SGCZ: variants seen among roughly 807,000 people sequenced by gnomAD.
SGCZ encodes the protein zeta-sarcoglycan.
Under a neutral mutation model 41.3 loss-of-function variants are expected in SGCZ, and 40 were observed. The ratio of observed to expected loss-of-function variants is 0.97; its 90% CI spans 0.75 to 1.26. The LOEUF (loss-of-function observed/expected upper bound fraction) is 1.26. SGCZ is among the 50% of genes most tolerant of loss of function. The pLI is 0.00. For synonymous variants in SGCZ, 206 were observed against 137.5 expected, an observed-to-expected ratio of 1.50 and a Z score of -3.49; for missense variants, 552 against 369.8, an observed-to-expected ratio of 1.49 and a Z score of -4.04.
intron 4 of SGCZ, among the ~76,000 whole-genome samples, chr8:14,227,928 C>A (rs28415820): frequency 6.6e-6 from 1 of 151,958 alleles, no homozygotes; most frequent in East Asian, 1.9e-4. Context: ...GTAATGGTTT[C>A]CCCCTAGCTT....
intron 1 of SGCZ, among the ~76,000 whole-genome samples, chr8:14,564,115 G>C (rs1190921031): frequency 1.3e-5 from 2 of 152,018 alleles, no homozygotes; most frequent in Non-Finnish European, 2.9e-5. Context: ...GTCCTGGATA[G>C]CAAGATAGAT....
intron 1 of SGCZ, among the ~76,000 whole-genome samples, chr8:14,916,389 T>C (rs936737103): frequency 2.0e-5 from 3 of 152,088 alleles, no homozygotes; most frequent in Admixed American, 6.5e-5. Flanking sequence ...TTACCACATA[T>C]AGACATAGAT....
chr8:14,692,181 T>G (rs1808820621), intron 1 of SGCZ, among the ~76,000 whole-genome samples: 3 of 151,990 alleles, frequency 2.0e-5, no homozygotes, highest in South Asian at 2.1e-4. Context: ...ATAGTTAAAT[T>G]GATATATAAA....
chr8:14,806,716 C>T (rs372868172), intron 1 of SGCZ, among the ~76,000 whole-genome samples: 1 of 152,174 alleles, frequency 6.6e-6, no homozygotes, highest in East Asian at 1.9e-4. Flanking sequence ...AGGGACTCCT[C>T]CCTAACTCAT....
intron 2 of SGCZ, among the ~76,000 whole-genome samples, chr8:14,429,132 G>A (rs1473360592): frequency 1.3e-5 from 2 of 152,164 alleles, no homozygotes; most frequent in Non-Finnish European, 2.9e-5. Context: ...CTGTCCCTTT[G>A]CAGTCTACAT....
At position 14,656,544 on chromosome 8, in the gene SGCZ, TC is replaced by T. The variant is rs765439378; in HGVS notation, c.40-101619del. On this transcript the variant is annotated intron_variant, in intron 1 of 7. Transcript: ENST00000382080. ...TTCTTTTCTTTCTTTTTTCTTTCTT[TC>T]CCTTTCTTTTTCTTTCTTTTCCTTC... is the stretch of plus-strand genomic sequence containing the variant. Among the ~76,000 whole-genome samples the T allele has an allele frequency of 6.3e-4, 87 of 137,874 alleles. 1 individual carries two copies. The highest frequency in any genetic ancestry group is 1.2e-3 in the Non-Finnish European group (71 of 60,294). The allele number at this position is 137,874 out of a possible 152,430, so 90.5% of individuals were successfully genotyped here.
intron 2 of SGCZ, among the ~76,000 whole-genome samples, chr8:14,407,136 T>A (rs1435061166): frequency 6.9e-6 from 1 of 144,670 alleles, no homozygotes. Flanking sequence ...TGGTGCCATC[T>A]GGGTACACTG....
At chr8:14,671,645 C>CT (rs1379599462) in intron 1 of SGCZ, among the ~76,000 whole-genome samples, 1 of 152,106 alleles carries the variant, frequency 6.6e-6, no homozygotes, top group Non-Finnish European at 1.5e-5. Context: ...AACCCAGAAA[C>CT]TAAGCCTGAG....
intron 2 of SGCZ, among the ~76,000 whole-genome samples, chr8:14,358,340 A>C (rs890242751): frequency 6.6e-6 from 1 of 152,206 alleles, no homozygotes; most frequent in Non-Finnish European, 1.5e-5. Context: ...TTGCACAACT[A>C]AGTGGCAAAT....
At chr8:15,130,653 A>G (rs1053546198) in intron 1 of SGCZ, among the ~76,000 whole-genome samples, 1 of 152,202 alleles carries the variant, frequency 6.6e-6, no homozygotes, top group Admixed American at 6.5e-5. Context: ...TTACTTTAAG[A>G]ATAAATGATA....
At chr8:15,075,137 C>G (rs950216910) in intron 1 of SGCZ, among the ~76,000 whole-genome samples, 2 of 137,876 alleles carry the variant, frequency 1.5e-5, no homozygotes, top group African/African-American at 5.6e-5. Flanking sequence ...AAACATCTTT[C>G]TTTATATATC....
chr8:15,061,210 G>C (rs1017675717), intron 1 of SGCZ, among the ~76,000 whole-genome samples: 13 of 152,146 alleles, frequency 8.5e-5, no homozygotes, highest in African/African-American at 2.9e-4. Context: ...AGGTGATTAA[G>C]TCATGAAGGC....
chr8:14,780,785 T>G (rs554065471), intron 1 of SGCZ, among the ~76,000 whole-genome samples: 1 of 152,316 alleles, frequency 6.6e-6, no homozygotes, highest in South Asian at 2.1e-4. Context: ...CTCTGTTTTC[T>G]TAGTGAAATT....
At chr8:14,544,634 C>G (rs376501258) in intron 2 of SGCZ, among the ~76,000 whole-genome samples, 3 of 152,030 alleles carry the variant, frequency 2.0e-5, no homozygotes, top group African/African-American at 2.4e-5. Flanking sequence ...CTGAGATACA[C>G]CCTGGTCTCC....
At chr8:14,514,131 A>T (rs547078653) in intron 2 of SGCZ, among the ~76,000 whole-genome samples, 1 of 152,244 alleles carries the variant, frequency 6.6e-6, no homozygotes, top group East Asian at 1.9e-4. Context: ...GAAAACCCAG[A>T]TATACAGCAG....
At chr8:14,403,574 T>A (rs898784455) in intron 2 of SGCZ, among the ~76,000 whole-genome samples, 9 of 152,194 alleles carry the variant, frequency 5.9e-5, no homozygotes, top group African/African-American at 2.2e-4. Context: ...TGGCTCTGTT[T>A]ATATGCTGGA....
intron 2 of SGCZ, among the ~76,000 whole-genome samples, chr8:14,551,551 A>T (rs187585870): frequency 0.049 from 1,261 of 25,578 alleles, 132 homozygotes; most frequent in African/African-American, 0.1. Context: ...TAATATATAT[A>T]ATATATATTA....
chr8:15,231,411 G>C (rs1176632788), intron 1 of SGCZ, among the ~76,000 whole-genome samples: 2 of 151,954 alleles, frequency 1.3e-5, no homozygotes, highest in Non-Finnish European at 2.9e-5. Context: ...AGGCAATTTG[G>C]AACAATTTTT....
At chr8:15,186,186 C>T (rs954247525) in intron 1 of SGCZ, among the ~76,000 whole-genome samples, 1 of 143,060 alleles carries the variant, frequency 7.0e-6, no homozygotes, top group Non-Finnish European at 1.5e-5. Context: ...GGCATGAACC[C>T]GGGAGGCGGA....
Sources: gnomAD v4.1 joint callset for allele counts (sites outside exome capture counted in the v4.1 genomes callset) on GRCh38, gnomAD v4.1.1 for gene constraint, MANE v1.5 for transcripts, NCBI Gene and HGNC (gene_info 2026-07-23, HGNC 2026-07-21) for gene names.